CAMKMT: variants seen among roughly 807,000 people sequenced by gnomAD.
CAMKMT encodes CaM KMT.
CAMKMT carries 53 observed loss-of-function variants against 48.0 expected under a neutral mutation model. The ratio of observed to expected loss-of-function variants is 1.10; its 90% CI spans 0.89 to 1.39. The LOEUF is 1.39. Among genes scored for constraint, CAMKMT ranks in the 40% most tolerant of loss-of-function variants. The pLI is 0.00. For synonymous variants in CAMKMT, 165 were observed against 152.3 expected (o/e 1.08, Z -0.61); for missense variants, 428 against 402.7 (o/e 1.06, Z -0.54).
At chr2:44,479,905 A>G (rs984207057) in intron 3 of CAMKMT, among the ~76,000 whole-genome samples, 1 of 152,190 alleles carries the variant, frequency 6.6e-6, no homozygotes. Flanking sequence ...ATTTTTAGGT[A>G]ATCTCAGGGA....
intron 2 of CAMKMT, 132 bp from the exon 3 acceptor site, chr2:44,390,109 C>G (rs1681179352): frequency 1.6e-6 from 1 of 620,394 alleles, no homozygotes; most frequent in African/African-American, 1.9e-5. Context: ...AGAAAATATT[C>G]TTAAAATATA....
intron 3 of CAMKMT, among the ~76,000 whole-genome samples, chr2:44,541,444 C>G (rs1223116953): frequency 6.6e-6 from 1 of 151,976 alleles, no homozygotes; most frequent in Non-Finnish European, 1.5e-5. Context: ...ATTTTATTAT[C>G]TTTGTTGCTA....
At chr2:44,413,385 G>C (rs1042378257) in intron 3 of CAMKMT, among the ~76,000 whole-genome samples, 1 of 152,042 alleles carries the variant, frequency 6.6e-6, no homozygotes, top group Non-Finnish European at 1.5e-5. Flanking sequence ...CAGGCATGGT[G>C]GCTCATGCCT....
At position 44,734,709 on chromosome 2, in the gene CAMKMT, G is replaced by T. The variant is rs190374617; in HGVS notation, c.624-8913G>T. ...TTACAGGGATGAGCCACCATGCCCAGCCAGGGAACATATTTTTTGTATGAC... is the reference window on the plus strand; with the variant it reads ...TTACAGGGATGAGCCACCATGCCCATCCAGGGAACATATTTTTTGTATGAC... On this transcript the variant is annotated intron_variant, in intron 7 of 10. Coordinates refer to ENST00000378494, the MANE Select transcript of CAMKMT (RefSeq NM_024766.5). Among the ~76,000 whole-genome samples, 81 of 152,274 alleles carry T rather than the reference G, an allele frequency of 5.3e-4. 1 individual carries two copies. Among genetic ancestry groups the T allele is most frequent in the Admixed American group, 1.2e-3 (19 of 15,294 alleles).
At chr2:44,398,195 T>G (rs1321221807) in intron 3 of CAMKMT, among the ~76,000 whole-genome samples, 1 of 152,180 alleles carries the variant, frequency 6.6e-6, no homozygotes, top group Non-Finnish European at 1.5e-5. Flanking sequence ...GTAATTTGCT[T>G]AAAGATTTAG....
intron 3 of CAMKMT, among the ~76,000 whole-genome samples, chr2:44,444,921 A>G (rs991513436): frequency 1.3e-5 from 2 of 152,198 alleles, no homozygotes; most frequent in African/African-American, 4.8e-5. Flanking sequence ...GAGTCCATGC[A>G]ACCCCCCAAG....
rs538921245 is a variant in CAMKMT, at chr2:44,492,796, G to C, written c.376+102491G>C. On this transcript the variant is annotated intron_variant, in intron 3 of 10. Transcript: ENST00000378494. ...ATAAAGGCTTTCTCCTAAGGCATTT[G>C]TTCCTACTTTAAGGATTTACTGTAG... Among the ~76,000 whole-genome samples, 12 of 151,792 alleles carry C rather than the reference G, an allele frequency of 7.9e-5. No individual in the cohort carries two copies. The East Asian group carries it at 2.3e-3, about 29-fold the overall frequency.
At chr2:44,633,814 G>T (rs1407924346) in intron 3 of CAMKMT, among the ~76,000 whole-genome samples, 1 of 151,928 alleles carries the variant, frequency 6.6e-6, no homozygotes, top group African/African-American at 2.4e-5. Context: ...AGTTTTTGAG[G>T]ATGCAGGATA....
chr2:44,650,174 T>C (rs1338772956), intron 3 of CAMKMT, among the ~76,000 whole-genome samples: 1 of 152,128 alleles, frequency 6.6e-6, no homozygotes, highest in African/African-American at 2.4e-5. Context: ...ATGCTCCATC[T>C]GAAACCCCTA....
chr2:44,553,729 T>C (rs1364838215), intron 3 of CAMKMT, among the ~76,000 whole-genome samples: 2 of 152,178 alleles, frequency 1.3e-5, no homozygotes, highest in Non-Finnish European at 1.5e-5. Context: ...TAATCAGCAT[T>C]AGATGGGAAG....
At chr2:44,655,077 A>G (rs1320803691) in intron 3 of CAMKMT, among the ~76,000 whole-genome samples, 1 of 152,198 alleles carries the variant, frequency 6.6e-6, no homozygotes, top group African/African-American at 2.4e-5. Flanking sequence ...TCTGAAGAGT[A>G]CAATTGCTGA....
chr2:44,556,400 A>C (rs1195526424), intron 3 of CAMKMT, among the ~76,000 whole-genome samples: 1 of 150,790 alleles, frequency 6.6e-6, no homozygotes, highest in African/African-American at 2.4e-5. Flanking sequence ...CGGCCTCTCA[A>C]AGTGCTGGGA....
At chr2:44,642,904 T>A (rs1673524203) in intron 3 of CAMKMT, among the ~76,000 whole-genome samples, 1 of 152,190 alleles carries the variant, frequency 6.6e-6, no homozygotes, top group Non-Finnish European at 1.5e-5. Flanking sequence ...CATGGATGAT[T>A]CTCAGGTAAA....
At chr2:44,516,426 A>G (rs1670835816) in intron 3 of CAMKMT, among the ~76,000 whole-genome samples, 1 of 152,062 alleles carries the variant, frequency 6.6e-6, no homozygotes. Context: ...GATGAAAGAG[A>G]GGTTTGTCTT....
At chr2:44,362,696 C>G (rs79325413) in intron 1 of CAMKMT, among the ~76,000 whole-genome samples, 1 of 152,138 alleles carries the variant, frequency 6.6e-6, no homozygotes, top group Non-Finnish European at 1.5e-5. Context: ...TCACTGAGGT[C>G]TCAAAGTTAA....
At chr2:44,663,435 G>T (rs969485830) in intron 3 of CAMKMT, among the ~76,000 whole-genome samples, 2 of 152,150 alleles carry the variant, frequency 1.3e-5, no homozygotes, top group African/African-American at 4.8e-5. Flanking sequence ...AAATCAGTCT[G>T]TTCATCTTTG....
At chr2:44,643,728 T>C (rs1251047702) in intron 3 of CAMKMT, among the ~76,000 whole-genome samples, 1 of 152,216 alleles carries the variant, frequency 6.6e-6, no homozygotes, top group Non-Finnish European at 1.5e-5. Flanking sequence ...ACCATTAGCC[T>C]TTCTGGTGTG....
At chr2:44,523,976 C>G (rs960701474) in intron 3 of CAMKMT, among the ~76,000 whole-genome samples, 2 of 151,766 alleles carry the variant, frequency 1.3e-5, no homozygotes, top group African/African-American at 4.8e-5. Flanking sequence ...GGGGTTTCAT[C>G]ATGTTGGCCA....
At chr2:44,512,259 A>G (rs1670602270) in intron 3 of CAMKMT, among the ~76,000 whole-genome samples, 1 of 152,240 alleles carries the variant, frequency 6.6e-6, no homozygotes, top group Non-Finnish European at 1.5e-5. Context: ...CAACATTTTG[A>G]CTTTGGACAA....
Sources: gnomAD v4.1 joint callset for allele counts (sites outside exome capture counted in the v4.1 genomes callset) on GRCh38, gnomAD v4.1.1 for gene constraint, MANE v1.5 for transcripts, NCBI Gene and HGNC (gene_info 2026-07-23, HGNC 2026-07-21) for gene names.